The following FAR1 variants were observed in gnomAD, a reference collection of about 807,000 sequenced individuals.
FAR1 encodes the protein fatty acyl-CoA reductase 1, also known as male sterility domain-containing protein 2.
A neutral mutation model predicts 61.1 loss-of-function variants in FAR1; 22 were observed. The observed-to-expected ratio is 0.36, with a 90% CI of 0.26 to 0.51. FAR1 has a LOEUF of 0.51. Ranked by LOEUF, FAR1 falls within the 20% of genes least tolerant of loss-of-function variation. FAR1 has a pLI of 0.95. For synonymous variants in FAR1, 206 were observed against 209.7 expected (o/e 0.98, Z 0.15); for missense variants, 359 against 626.9 (o/e 0.57, Z 4.56).
intron 3 of FAR1, 40 bp downstream of exon 3, chr11:13,700,532 AG>A (rs763303851): frequency 1.6e-6 from 2 of 1,219,200 alleles, no homozygotes; most frequent in South Asian, 4.1e-5. Flanking sequence ...ACTTCAGTAT[AG>A]TTATTAAAAA....
chr11:13,700,326 A>G lies in FAR1; in HGVS notation c.199A>G (p.Arg67Gly). 6.3e-7 allele frequency: 1 copy of G among 1,584,740 alleles called. No homozygotes were observed. The highest frequency in any genetic ancestry group is 1.9e-5 in the Admixed American group (1 of 52,354). Residue 67 changes from arginine (R) to glycine (G), a missense_variant, in exon 3 of 12, where the codon AGA (arginine) becomes GGA (glycine). Around this residue, in one of 2 missense-constraint regions of FAR1, gnomAD observed 344 missense variants for 570.3 expected, o/e 0.60. Coordinates refer to ENST00000354817, the MANE Select transcript of FAR1 (RefSeq NM_032228.6). Reference sequence around the variant, plus strand: ...TTTTCCCTCTTGATAGCTTTTTGACAGATTGAGAGATGAAAATCCAGATTT... The same window carrying G: ...TTTTCCCTCTTGATAGCTTTTTGACGGATTGAGAGATGAAAATCCAGATTT... Reference protein sequence around the residue: ...EEVLSGKLFDRLRDENPDFRE... With the variant: ...EEVLSGKLFDGLRDENPDFRE...
At chr11:13,707,480 A>G (rs745827981) in intron 3 of FAR1, among the ~76,000 whole-genome samples, 9 of 152,186 alleles carry the variant, frequency 5.9e-5, no homozygotes, top group Non-Finnish European at 1.0e-4. Context: ...TAGTGACTCT[A>G]CGTTAACATT....
At chr11:13,711,675 A>T (rs1198432909) in intron 5 of FAR1, 89 bp from the exon 6 acceptor site, 3 of 954,762 alleles carry the variant, frequency 3.1e-6, no homozygotes, top group Non-Finnish European at 4.9e-6. Flanking sequence ...GCTACCAAGT[A>T]TATATTTGGG....
intron 2 of FAR1, among the ~76,000 whole-genome samples, chr11:13,699,405 GCAGTAGGAGCTAT>G (rs1848344690): frequency 6.6e-6 from 1 of 152,192 alleles, no homozygotes; most frequent in Admixed American, 6.5e-5. Flanking sequence ...AGTGGAAGTA[GCAGTAGGAGCTAT>G]CAGTAGGAGC....
intron 11 of FAR1, among the ~76,000 whole-genome samples, chr11:13,727,995 C>G (rs1848684327): frequency 6.6e-6 from 1 of 151,852 alleles, no homozygotes; most frequent in African/African-American, 2.4e-5. Context: ...GCAAAGCAAA[C>G]TAGAATATTG....
At chr11:13,674,349 C>T (rs150468302) in intron 1 of FAR1, among the ~76,000 whole-genome samples, 218 of 151,514 alleles carry the variant, frequency 1.4e-3, no homozygotes, top group African/African-American at 5.1e-3. Context: ...TCAAATTGAA[C>T]TGTGAATCAG....
chr11:13,714,224 T>A (rs1324429773), intron 8 of FAR1, among the ~76,000 whole-genome samples: 1 of 152,148 alleles, frequency 6.6e-6, no homozygotes, highest in Non-Finnish European at 1.5e-5. Flanking sequence ...AAAGTGACAC[T>A]GTAAACTGAC....
chr11:13,722,639 A>G, intron 10 of FAR1, among the ~76,000 whole-genome samples: 1 of 151,704 alleles, frequency 6.6e-6, no homozygotes, highest in Non-Finnish European at 1.5e-5. Flanking sequence ...ACACCCAGCT[A>G]ATTTTTGTAT....
At chr11:13,720,327 G>C (rs1848596997) in intron 9 of FAR1, 1 of 152,066 alleles carries the variant, frequency 6.6e-6, no homozygotes, top group African/African-American at 2.4e-5. Flanking sequence ...TGGCGTGATA[G>C]TATATATTGA....
chr11:13,676,500 G>A (rs1172043884), intron 1 of FAR1, among the ~76,000 whole-genome samples: 1 of 152,152 alleles, frequency 6.6e-6, no homozygotes, highest in Non-Finnish European at 1.5e-5. Flanking sequence ...GAAACAACCA[G>A]AAGTAATGCA....
intron 2 of FAR1, among the ~76,000 whole-genome samples, chr11:13,698,961 A>G (rs772773824): frequency 1.3e-5 from 2 of 152,130 alleles, no homozygotes; most frequent in African/African-American, 2.4e-5. Flanking sequence ...CTTTTCCTGC[A>G]TACTCTATGT....
chr11:13,676,005 A>G (rs1848064314), intron 1 of FAR1, among the ~76,000 whole-genome samples: 1 of 152,180 alleles, frequency 6.6e-6, no homozygotes. Flanking sequence ...TCATCAGAAA[A>G]ATGTACGTTC....
chr11:13,677,324 C>G (rs1848078115), intron 1 of FAR1, among the ~76,000 whole-genome samples: 1 of 152,190 alleles, frequency 6.6e-6, no homozygotes. Context: ...ATCCACAGTT[C>G]TTAAAACATT....
intron 11 of FAR1, among the ~76,000 whole-genome samples, 165 bp downstream of exon 11, chr11:13,727,848 C>G (rs542319476): frequency 4.4e-4 from 67 of 151,946 alleles, no homozygotes; most frequent in South Asian, 1.2e-3. Context: ...ATTTTTATGA[C>G]ACTTTTTAAG....
At chr11:13,711,683 G>T in intron 5 of FAR1, 81 bp from the exon 6 acceptor site, 2 of 1,007,362 alleles carry the variant, frequency 2.0e-6, no homozygotes, top group South Asian at 1.4e-5. Flanking sequence ...GTATATATTT[G>T]GGGTTGTAGA....
chr11:13,724,569 A>G (rs1848650067), intron 10 of FAR1, among the ~76,000 whole-genome samples: 1 of 144,994 alleles, frequency 6.9e-6, no homozygotes, highest in African/African-American at 2.5e-5. Flanking sequence ...AAAAAAAAAA[A>G]GACTGTAGAT....
intron 3 of FAR1, among the ~76,000 whole-genome samples, chr11:13,700,954 G>T (rs1272602657): frequency 6.6e-6 from 1 of 151,994 alleles, no homozygotes; most frequent in Non-Finnish European, 1.5e-5. Flanking sequence ...TTGCAGTAGT[G>T]CTAGGGGCAA....
chr11:13,675,037 G>T, intron 1 of FAR1, among the ~76,000 whole-genome samples: 1 of 141,910 alleles, frequency 7.0e-6, no homozygotes. Context: ...TCTTTATTTT[G>T]AAGCAAATCC....
rs953176099 is a variant in FAR1 at position 13,731,340 on chromosome 11, C to T, written c.*2566C>T. On this transcript the variant is annotated 3_prime_UTR_variant, in exon 12 of 12. Transcript: ENST00000354817. ...GCAGGGAAAAGAATTTCCTTTTCCC[C>T]CTTTTTTGTGTTGTCTATAGGAATT... 8 of 152,314 alleles carry T rather than the reference C, an allele frequency of 5.3e-5. No individual in the cohort carries two copies. The highest frequency in any genetic ancestry group is 8.8e-5 in the Non-Finnish European group (6 of 67,944). 9.4% of individuals were successfully genotyped at this position (152,314 alleles called of 1,614,324 possible).
Sources: gnomAD v4.1 joint callset for allele counts (sites outside exome capture counted in the v4.1 genomes callset) on GRCh38, gnomAD v4.1.1 for gene constraint, gnomAD v4.1.1 regional missense constraint, MANE v1.5 for transcripts, NCBI Gene and HGNC (gene_info 2026-07-23, HGNC 2026-07-21) for gene names.